CCDC3: variants seen among roughly 807,000 people sequenced by gnomAD.
CCDC3 encodes coiled-coil domain containing 3.
CCDC3 carries 24 observed loss-of-function variants against 21.4 expected under a neutral mutation model. The observed-to-expected ratio is 1.12, with a 90% CI of 0.81 to 1.58. The LOEUF is 1.58. CCDC3 is among the 40% of genes most tolerant of loss of function. The pLI is 0.00. For synonymous variants in CCDC3, 186 were observed against 166.0 expected (o/e 1.12, Z -0.93); for missense variants, 425 against 360.9 (o/e 1.18, Z -1.44).
At chr10:13,098,132 C>T (rs929229011) in intron 3 of CCDC3, among the ~76,000 whole-genome samples, 4 of 151,994 alleles carry the variant, frequency 2.6e-5, no homozygotes, top group Non-Finnish European at 5.9e-5. Flanking sequence ...GGGCACCCCC[C>T]ACCCCGACCC....
intron 2 of CCDC3, among the ~76,000 whole-genome samples, chr10:12,972,214 G>T (rs538432908): frequency 6.6e-6 from 1 of 152,162 alleles, no homozygotes; most frequent in East Asian, 1.9e-4. Flanking sequence ...CACCCTCACT[G>T]GTTCCTGTGA....
intron 5 of CCDC3, among the ~76,000 whole-genome samples, chr10:13,008,610 T>C (rs1835950725): frequency 6.6e-6 from 1 of 152,188 alleles, no homozygotes; most frequent in African/African-American, 2.4e-5. Flanking sequence ...ATGGATCCTG[T>C]GGTGGTGAAA....
chr10:13,073,678 G>T lies in CCDC3; in HGVS notation c.-270+190C>A, dbSNP rs185126536. 2.6e-4 allele frequency among the ~76,000 whole-genome samples: 39 copies of T among 152,032 alleles called. No homozygotes were observed. In the East Asian group the frequency reaches 7.2e-3, roughly 28 times the overall value. On this transcript the variant is annotated intron_variant, in intron 4 of 6. Coordinates refer to the CCDC3 transcript ENST00000378839. ...TTCGGCTAATTTTTTGTAGAGACAG[G>T]GTTTCTCAATGTTGCCTAGGCTGGT... is the stretch of plus-strand genomic sequence containing the variant.
chr10:12,960,473 A>G (rs1489153015), intron 2 of CCDC3, among the ~76,000 whole-genome samples: 1 of 152,160 alleles, frequency 6.6e-6, no homozygotes, highest in Non-Finnish European at 1.5e-5. Context: ...CCTGTTGGCC[A>G]CAGAAAGCAG....
intron 2 of CCDC3, among the ~76,000 whole-genome samples, chr10:12,910,285 G>T (rs145609770): frequency 2.9e-3 from 440 of 152,282 alleles, no homozygotes; most frequent in African/African-American, 6.7e-3. Flanking sequence ...TGCTGGCTAC[G>T]TAGCTGTTTT....
At chr10:12,943,707 T>C (rs1006630200) in intron 2 of CCDC3, among the ~76,000 whole-genome samples, 24 of 152,206 alleles carry the variant, frequency 1.6e-4, no homozygotes, top group East Asian at 1.9e-4. Flanking sequence ...ACCAGTCTTC[T>C]GGGCCCTATG....
intron 5 of CCDC3, among the ~76,000 whole-genome samples, chr10:13,026,117 G>C (rs551880315): frequency 1.3e-4 from 19 of 150,828 alleles, no homozygotes; most frequent in Non-Finnish European, 2.4e-4. Flanking sequence ...AGAGGCAGAG[G>C]TTGCAGTGAG....
chr10:12,908,493 A>C (rs985946505), intron 2 of CCDC3, among the ~76,000 whole-genome samples: 3 of 152,188 alleles, frequency 2.0e-5, no homozygotes, highest in African/African-American at 7.2e-5. Context: ...TGATACAAAG[A>C]AGCCTGGGAA....
chr10:13,086,604 G>A (rs902892502), intron 3 of CCDC3, among the ~76,000 whole-genome samples: 5 of 152,004 alleles, frequency 3.3e-5, no homozygotes, highest in Non-Finnish European at 5.9e-5. Context: ...ATGCCACCAC[G>A]CCCCACTAAT....
At chr10:12,921,868 G>A (rs994819654) in intron 2 of CCDC3, among the ~76,000 whole-genome samples, 4 of 152,052 alleles carry the variant, frequency 2.6e-5, no homozygotes, top group Admixed American at 2.6e-4. Flanking sequence ...TCAGCCTTCC[G>A]AGTAGATAGG....
chr10:12,980,308 C>G (rs1258505734), intron 2 of CCDC3, among the ~76,000 whole-genome samples: 1 of 152,202 alleles, frequency 6.6e-6, no homozygotes, highest in African/African-American at 2.4e-5. Flanking sequence ...TGAAGCTTGA[C>G]AGTGTCCCTG....
intron 2 of CCDC3, among the ~76,000 whole-genome samples, chr10:12,902,829 A>AG (rs1554752510): frequency 6.6e-6 from 1 of 151,950 alleles, no homozygotes; most frequent in Non-Finnish European, 1.5e-5. Context: ...AGCAAGACTT[A>AG]GAGCCCAGAC....
At position 12,947,765 on chromosome 10, in the gene CCDC3, A is replaced by G. The variant is rs1652008132; in HGVS notation, c.550-49086T>C. ...TTGATAATTAAGTGCCTCTTGTATG[A>G]AGAGATGAGTTAGAGGAGAGCAGTG... On this transcript the variant is annotated intron_variant, in intron 2 of 2. Coordinates refer to ENST00000378825, the MANE Select transcript of CCDC3 (RefSeq NM_031455.4). Among the ~76,000 whole-genome samples the G allele has an allele frequency of 2.6e-5, 4 of 152,222 alleles. No individual in the cohort carries two copies. In the South Asian group the frequency reaches 8.3e-4, roughly 32 times the overall value.
chr10:12,990,541 T>A (rs1835665688), intron 2 of CCDC3, among the ~76,000 whole-genome samples: 1 of 152,206 alleles, frequency 6.6e-6, no homozygotes, highest in Non-Finnish European at 1.5e-5. Flanking sequence ...GTGAATAAAG[T>A]AAGCTTGTCA....
intron 2 of CCDC3, among the ~76,000 whole-genome samples, chr10:12,968,202 T>TACACACACACACACACACACAC (rs71386134): frequency 5.6e-5 from 8 of 143,586 alleles, no homozygotes; most frequent in East Asian, 2.1e-4. Context: ...CACACACACA[T>TACACACACACACACACACACAC]ACACACACAC....
intron 4 of CCDC3, among the ~76,000 whole-genome samples, chr10:13,055,126 T>G (rs1836664586): frequency 6.6e-6 from 1 of 152,182 alleles, no homozygotes; most frequent in Non-Finnish European, 1.5e-5. Context: ...AAGCAGGTGG[T>G]GCTGGCCTTT....
intron 2 of CCDC3, among the ~76,000 whole-genome samples, chr10:12,941,560 A>G (rs1834831636): frequency 6.6e-6 from 1 of 152,146 alleles, no homozygotes; most frequent in Non-Finnish European, 1.5e-5. Context: ...ATATTAATGT[A>G]CTTATCTGGG....
intron 3 of CCDC3, among the ~76,000 whole-genome samples, chr10:13,091,454 C>T (rs1832570084): frequency 6.6e-6 from 1 of 152,156 alleles, no homozygotes; most frequent in Admixed American, 6.5e-5. Flanking sequence ...CAGGCCCTCA[C>T]CAGACACTGC....
chr10:13,064,451 A>G (rs894389944), intron 4 of CCDC3, among the ~76,000 whole-genome samples: 1 of 152,188 alleles, frequency 6.6e-6, no homozygotes, highest in Non-Finnish European at 1.5e-5. Context: ...TGTTTTGCCA[A>G]GCTTGAGGAC....
Sources: allele counts gnomAD v4.1 joint callset (sites outside exome capture counted in the v4.1 genomes callset), GRCh38; gene constraint gnomAD v4.1.1; transcripts MANE v1.5; gene names NCBI Gene and HGNC (gene_info 2026-07-23, HGNC 2026-07-21).